EAPP: variants seen among roughly 807,000 people sequenced by gnomAD.
EAPP encodes the protein E2F-associated phosphoprotein.
Under a neutral mutation model 34.3 loss-of-function variants are expected in EAPP, and 38 were observed. The ratio of observed to expected loss-of-function variants is 1.11; its 90% CI spans 0.85 to 1.45. The LOEUF is 1.45. Among genes scored for constraint, EAPP ranks in the 40% most tolerant of loss-of-function variants. The pLI, the probability that EAPP is intolerant of heterozygous loss-of-function variation, is 0.00. For missense variants in EAPP, 338 were observed against 343.7 expected, an observed-to-expected ratio of 0.98 and a Z score of 0.13; for synonymous variants, 113 against 117.6, an observed-to-expected ratio of 0.96 and a Z score of 0.25.
intron 4 of EAPP, among the ~76,000 whole-genome samples, chr14:34,527,319 T>G (rs1203765505): frequency 6.6e-6 from 1 of 152,024 alleles, no homozygotes; most frequent in Non-Finnish European, 1.5e-5. Context: ...ATTTTTTTAA[T>G]TAGCCAGGTG....
chr14:34,531,882 C>T (rs1880304731), intron 3 of EAPP, among the ~76,000 whole-genome samples: 1 of 151,652 alleles, frequency 6.6e-6, no homozygotes, highest in Non-Finnish European at 1.5e-5. Context: ...CAAGACCATC[C>T]TGGCTAACAC....
At chr14:34,521,360 C>T (rs527390661) in intron 5 of EAPP, among the ~76,000 whole-genome samples, 5 of 152,172 alleles carry the variant, frequency 3.3e-5, no homozygotes, top group Admixed American at 2.6e-4. Context: ...TGTCAGCCAC[C>T]ATCCCCAGCT....
At chr14:34,533,397 C>G (rs185950674) in intron 3 of EAPP, 47 bp downstream of exon 3, 1 of 1,489,858 alleles carries the variant, frequency 6.7e-7, no homozygotes, top group Non-Finnish European at 9.3e-7. Flanking sequence ...TTAGGTAAAC[C>G]TTTTTTATAA....
intron 3 of EAPP, among the ~76,000 whole-genome samples, chr14:34,530,483 C>A (rs548317070): frequency 2.0e-5 from 3 of 152,088 alleles, no homozygotes; most frequent in African/African-American, 7.2e-5. Flanking sequence ...GCTATAATTG[C>A]ACCACTGCAC....
chr14:34,528,863 G>A (rs1880181826), intron 4 of EAPP, among the ~76,000 whole-genome samples: 1 of 152,076 alleles, frequency 6.6e-6, no homozygotes, highest in South Asian at 2.1e-4. Context: ...CGGGCTGGAT[G>A]CAGTGGCTCA....
chr14:34,525,300 G>A (rs1381401697), intron 4 of EAPP, among the ~76,000 whole-genome samples: 1 of 152,138 alleles, frequency 6.6e-6, no homozygotes, highest in Non-Finnish European at 1.5e-5. Context: ...AGTACGGTAT[G>A]GTAAGGCGGG....
At chr14:34,521,731 T>C (rs189695156) in intron 5 of EAPP, among the ~76,000 whole-genome samples, 1 of 150,336 alleles carries the variant, frequency 6.7e-6, no homozygotes, top group East Asian at 2.0e-4. Flanking sequence ...GCCTCCTGGG[T>C]TCAAGCGATT....
chr14:34,527,032 C>T (rs1007010470), intron 4 of EAPP, among the ~76,000 whole-genome samples: 5 of 151,632 alleles, frequency 3.3e-5, no homozygotes, highest in Admixed American at 2.6e-4. Flanking sequence ...TAGCCAGGTG[C>T]AGTGGCACAT....
rs1879728446 is a variant in EAPP at position 34,516,528 on chromosome 14, T to C, written c.640A>G (p.Lys214Glu). 6.2e-7 allele frequency: 1 copy of C among 1,614,180 alleles called. No homozygotes were observed. The change falls in exon 6 of 6, where the codon AAA becomes GAA. Residue 214 changes from lysine (K) to glutamate (E), a missense_variant. Physicochemically the swap from Lys to Glu is moderately conservative, Grantham distance 56 (BLOSUM62 1). Transcript: ENST00000250454. ...AMFVMNCSIN[K>E]EEVLRYKASE... ...GCTTTATATCTTAGAACCTCCTCTT[T>C]GTTAATAGAACAATTCATTACAAAC...
At chr14:34,530,904 CAA>C (rs780101001) in intron 3 of EAPP, among the ~76,000 whole-genome samples, 208 of 55,174 alleles carry the variant, frequency 3.8e-3, no homozygotes, top group African/African-American at 0.013. Context: ...CAATCTTTAC[CAA>C]AAAAAAAAAA....
chr14:34,519,879 T>C (rs1879857331), intron 5 of EAPP, among the ~76,000 whole-genome samples: 1 of 149,646 alleles, frequency 6.7e-6, no homozygotes, highest in African/African-American at 2.5e-5. Context: ...CAAGGTTCTT[T>C]CTTTTCTTTT....
At chr14:34,535,205 C>T (rs1345104865) in intron 2 of EAPP, among the ~76,000 whole-genome samples, 1 of 150,528 alleles carries the variant, frequency 6.6e-6, no homozygotes, top group Non-Finnish European at 1.5e-5. Context: ...TCTCAGCTCA[C>T]TGCAACCTCC....
chr14:34,516,100 C>A lies in EAPP; in HGVS notation c.*210G>T. ...TGTTCATCAAAAACAGAATGAATAT[C>A]AGTCCCATCAATAAGGGGGAAAATC... On this transcript the variant is annotated 3_prime_UTR_variant, in exon 6 of 6. Coordinates refer to ENST00000250454, the MANE Select transcript of EAPP (RefSeq NM_018453.4). 1 of 472,168 alleles carries A rather than the reference C, an allele frequency of 2.1e-6. No individual in the cohort carries two copies. The highest frequency in any genetic ancestry group is 3.7e-6 in the Non-Finnish European group (1 of 271,834). The allele number at this position is 472,168 out of a possible 1,614,324, so 29.2% of individuals were successfully genotyped here.
chr14:34,530,901 TA>T (rs1880262406), intron 3 of EAPP, among the ~76,000 whole-genome samples: 1 of 48,692 alleles, frequency 2.1e-5, no homozygotes, highest in African/African-American at 8.9e-5. Context: ...ACCCAATCTT[TA>T]CCAAAAAAAA....
At chr14:34,529,321 T>C (rs1880200264) in intron 4 of EAPP, 37 bp downstream of exon 4, 1 of 1,424,358 alleles carries the variant, frequency 7.0e-7, no homozygotes, top group Non-Finnish European at 9.8e-7. Flanking sequence ...TCAATCTTTT[T>C]TTCTAAAGAT....
At position 34,531,374 on chromosome 14, in the gene EAPP, G is replaced by A. The variant is rs192352986; in HGVS notation, c.353-1899C>T. ...TCCCAGCATTTTGGAAGCCTGAGGC[G>A]GGCGGATCACGAGGTCAGGAGATCG... On this transcript the variant is annotated intron_variant, in intron 3 of 5. Coordinates refer to ENST00000250454, the MANE Select transcript of EAPP (RefSeq NM_018453.4). 3.0e-3 allele frequency among the ~76,000 whole-genome samples: 456 copies of A among 152,200 alleles called. 1 individual carries two copies. Among genetic ancestry groups the A allele is most frequent in the African/African-American group, 5.4e-3 (224 of 41,546 alleles).
chr14:34,521,029 A>G (rs778629541), intron 5 of EAPP, among the ~76,000 whole-genome samples: 7 of 152,002 alleles, frequency 4.6e-5, no homozygotes, highest in African/African-American at 1.7e-4. Flanking sequence ...TCTGGCCATA[A>G]ATATCTCCTT....
At chr14:34,527,525 G>C (rs1176559442) in intron 4 of EAPP, among the ~76,000 whole-genome samples, 1 of 152,128 alleles carries the variant, frequency 6.6e-6, no homozygotes, top group Non-Finnish European at 1.5e-5. Context: ...AAAAAAAGGT[G>C]GGGGCAGAGG....
chr14:34,521,225 C>G (rs561157697), intron 5 of EAPP, among the ~76,000 whole-genome samples: 1 of 151,860 alleles, frequency 6.6e-6, no homozygotes, highest in South Asian at 2.1e-4. Context: ...TGCACCACCA[C>G]GCCCAGCTAA....
Sources: allele counts gnomAD v4.1 joint callset (sites outside exome capture counted in the v4.1 genomes callset), GRCh38; gene constraint gnomAD v4.1.1; transcripts MANE v1.5; gene names NCBI Gene and HGNC (gene_info 2026-07-23, HGNC 2026-07-21).